The following GPD1 variants were observed in gnomAD, a reference collection of about 807,000 sequenced individuals.
GPD1 encodes the protein glycerol-3-phosphate dehydrogenase 1, also known as glycerol-3-phosphate dehydrogenase [NAD(+)], cytoplasmic.
In GPD1, 19 loss-of-function variants were observed where a neutral mutation model predicts 34.4. That is an observed-to-expected ratio of 0.55 (90% CI 0.39 to 0.81). GPD1 has a LOEUF of 0.81. Among genes scored for constraint, GPD1 ranks in the 30% least tolerant of loss-of-function variants. The pLI is 0.00. For missense variants in GPD1, 429 were observed against 447.0 expected (o/e 0.96, Z 0.36); for synonymous variants, 172 against 174.1 (o/e 0.99, Z 0.09).
At chr12:50,105,441 C>G in intron 2 of GPD1, 107 bp from the exon 3 acceptor site, 1 of 1,150,510 alleles carries the variant, frequency 8.7e-7, no homozygotes, top group Non-Finnish European at 1.2e-6. Flanking sequence ...ACAAGCCTTC[C>G]TGCTCCCCTA....
rs1226242415 is a variant in GPD1, at chr12:50,106,469, C to T, written c.499+43C>T. 3 of 1,573,688 alleles carry T rather than the reference C, an allele frequency of 1.9e-6. No individual in the cohort carries two copies. In the South Asian group the frequency reaches 3.4e-5, roughly 18 times the overall value. ...CCTGCATACACAGTGCATCTAGTTGCATCCCCTCCCCAAACTGCCCCAACC... is the reference window on the plus strand; with the variant it reads ...CCTGCATACACAGTGCATCTAGTTGTATCCCCTCCCCAAACTGCCCCAACC... On this transcript the variant is annotated intron_variant, in intron 4 of 7. Transcript: ENST00000301149.
chr12:50,105,224 T>A (rs1482585575), intron 2 of GPD1: 1 of 344,564 alleles, frequency 2.9e-6, no homozygotes, highest in Non-Finnish European at 5.3e-6. Context: ...GGTGATGAAA[T>A]CTTATTTGAG....
chr12:50,109,211 G>A (rs1325243007), intron 7 of GPD1, among the ~76,000 whole-genome samples: 2 of 151,350 alleles, frequency 1.3e-5, no homozygotes, highest in East Asian at 3.9e-4. Context: ...ATGCAGGCCA[G>A]TTCAACATGG....
chr12:50,104,123 G>A (rs1287075175), intron 1 of GPD1, 32 bp downstream of exon 1: 2 of 1,604,030 alleles, frequency 1.2e-6, no homozygotes, highest in Non-Finnish European at 8.5e-7. Context: ...TATGGGGGAA[G>A]GGTAGGCCCC....
chr12:50,106,459 C>A (rs1394117658), intron 4 of GPD1, 33 bp downstream of exon 4: 2 of 1,587,626 alleles, frequency 1.3e-6, no homozygotes, highest in African/African-American at 1.3e-5. Context: ...ATACACAGTG[C>A]ATCTAGTTGC....
intron 6 of GPD1, 32 bp downstream of exon 6, chr12:50,107,832 C>T (rs772662608): frequency 8.6e-6 from 13 of 1,506,684 alleles, no homozygotes; most frequent in Middle Eastern, 1.7e-4. Context: ...AACAGAGGGG[C>T]GGCTCTGTAG....
intron 6 of GPD1, 56 bp downstream of exon 6, chr12:50,107,856 G>C: frequency 7.8e-7 from 1 of 1,280,500 alleles, no homozygotes; most frequent in East Asian, 2.3e-5. Flanking sequence ...TCCAGGTAGA[G>C]GTGCTTGGCG....
chr12:50,106,000 G>A (rs1950975758), intron 3 of GPD1: 1 of 635,508 alleles, frequency 1.6e-6, no homozygotes, highest in Non-Finnish European at 2.9e-6. Flanking sequence ...GTTTGGAGCA[G>A]TGACTGGTCA....
intron 1 of GPD1, 33 bp downstream of exon 1, chr12:50,104,124 G>C: frequency 6.2e-7 from 1 of 1,602,834 alleles, no homozygotes; most frequent in Non-Finnish European, 8.5e-7. Flanking sequence ...ATGGGGGAAG[G>C]GTAGGCCCCC....
In GPD1 at chr12:50,109,820, G is replaced by C. The variant is rs1951009538; in HGVS notation, c.*301G>C. Reference sequence around the variant, plus strand: ...ATCAAGCCCCAGTGCTGCCTGCTTGGTGGCGGGGGTGATGTATGTGGAGAA... The same window carrying C: ...ATCAAGCCCCAGTGCTGCCTGCTTGCTGGCGGGGGTGATGTATGTGGAGAA... On this transcript the variant is annotated 3_prime_UTR_variant, in exon 8 of 8. Coordinates refer to ENST00000301149, the MANE Select transcript of GPD1 (RefSeq NM_005276.4). 8.4e-6 allele frequency: 3 copies of C among 359,014 alleles called. No homozygotes were observed. Among genetic ancestry groups the C allele is most frequent in the South Asian group, 6.4e-5 (2 of 31,320 alleles). The allele number at this position is 359,014 out of a possible 1,614,324, so 22.2% of individuals were successfully genotyped here. A position where few individuals can be genotyped will look rare whatever the true frequency, so the allele number is the denominator to read the frequency against.
At position 50,108,974 on chromosome 12, in the gene GPD1, A is replaced by C. The variant is rs556213094; in HGVS notation, c.954-449A>C. On this transcript the variant is annotated intron_variant, in intron 7 of 7. Coordinates refer to ENST00000301149, the MANE Select transcript of GPD1 (RefSeq NM_005276.4). ...ACATGGTGAAACCCCATCTCTACTA[A>C]AAATACAAAAATTAGTCAGGCATGG... is the stretch of plus-strand genomic sequence containing the variant. Among the ~76,000 whole-genome samples the C allele has an allele frequency of 5.6e-4, 85 of 152,078 alleles. 2 individuals carry two copies. Among genetic ancestry groups the C allele is most frequent in the South Asian group, 2.5e-3 (12 of 4,802 alleles).
chr12:50,105,774 A>C, intron 3 of GPD1, 86 bp downstream of exon 3: 1 of 1,368,384 alleles, frequency 7.3e-7, no homozygotes, highest in Non-Finnish European at 1.0e-6. Context: ...AGAACAGAAA[A>C]TGGCAGACGC....
chr12:50,109,476 G>A lies in GPD1; in HGVS notation c.1007G>A (p.Gly336Asp), dbSNP rs747181602. 1.9e-6 allele frequency: 3 copies of A among 1,589,380 alleles called. No individual in the cohort carries two copies. The highest frequency in any genetic ancestry group is 8.6e-7 in the Non-Finnish European group (1 of 1,157,280). The change falls in exon 8 of 8, where the codon GGT becomes GAT. Residue 336 changes from glycine to aspartate, a missense_variant. Physicochemically the swap from Gly to Asp is moderately conservative, Grantham distance 94. Coordinates refer to ENST00000301149, the MANE Select transcript of GPD1 (RefSeq NM_005276.4). The part of the protein sequence containing the change: ...YKVCYEGQPV[G>D]EFIHCLQNHP... The stretch of plus-strand genomic sequence containing the variant: ...GTGTGCTACGAGGGCCAGCCAGTGG[G>A]TGAATTCATCCACTGCCTGCAGAAT...
intron 5 of GPD1, 189 bp downstream of exon 5, chr12:50,107,106 C>T: frequency 1.4e-6 from 1 of 696,122 alleles, no homozygotes; most frequent in Admixed American, 2.0e-5. Flanking sequence ...GCTGATTATT[C>T]ATCATCAGAC....
Position 50,107,716 on chromosome 12 carries a change from G to A in GPD1, c.762G>A (p.Glu254=). 1 of 1,614,146 alleles carries A rather than the reference G, an allele frequency of 6.2e-7. No homozygotes were observed. The highest frequency in any genetic ancestry group is 1.1e-5 in the South Asian group (1 of 91,082). The change falls in exon 6 of 8, where the codon GAG becomes GAA. Residue 254 remains glutamate (E), a synonymous_variant. Transcript: ENST00000301149. Reference sequence around the variant, plus strand: ...CTGTGTCCTCTGCCACCTTCTTGGAGAGCTGTGGTGTTGCTGACCTGATCA... The same window carrying A: ...CTGTGTCCTCTGCCACCTTCTTGGAAAGCTGTGGTGTTGCTGACCTGATCA... ...SGPVSSATFL[E]SCGVADLITT...
At position 50,109,787 on chromosome 12, in the gene GPD1, G is replaced by A. The variant is rs560124794; in HGVS notation, c.*268G>A. 2.3e-6 allele frequency: 1 copy of A among 438,760 alleles called. No homozygotes were observed. The highest frequency in any genetic ancestry group is 2.6e-5 in the South Asian group (1 of 38,586). The allele number at this position is 438,760 out of a possible 1,614,324, so 27.2% of individuals were successfully genotyped here. A position where few individuals can be genotyped will look rare whatever the true frequency, so the allele number is the denominator to read the frequency against. ...GGGGCTTTCTCCATATCCTCTGGGAGGGGTGGAATCAAGCCCCAGTGCTGC... is the reference window on the plus strand; with the variant it reads ...GGGGCTTTCTCCATATCCTCTGGGAAGGGTGGAATCAAGCCCCAGTGCTGC... On this transcript the variant is annotated 3_prime_UTR_variant, in exon 8 of 8. Coordinates refer to ENST00000301149, the MANE Select transcript of GPD1 (RefSeq NM_005276.4).
Position 50,106,329 on chromosome 12 carries a change from A to G in GPD1, c.402A>G (p.Glu134=), listed in dbSNP as rs1950978099. 1 of 1,613,478 alleles carries G rather than the reference A, an allele frequency of 6.2e-7. No individual in the cohort carries two copies. Among genetic ancestry groups the G allele is most frequent in the South Asian group, 1.1e-5 (1 of 91,030 alleles). ...EGPNGLKLIS[E]VIGERLGIPM... ...CCAATGGGCTGAAGCTCATCTCGGAAGTGATTGGGGAGCGCCTCGGCATCC... is the reference window on the plus strand; with the variant it reads ...CCAATGGGCTGAAGCTCATCTCGGAGGTGATTGGGGAGCGCCTCGGCATCC... The change falls in exon 4 of 8, where the codon GAA becomes GAG. Residue 134 remains glutamate (E), a synonymous_variant. Transcript: ENST00000301149.
intron 5 of GPD1, 142 bp downstream of exon 5, chr12:50,107,059 A>G: frequency 1.4e-6 from 1 of 710,272 alleles, no homozygotes; most frequent in Non-Finnish European, 2.6e-6. Flanking sequence ...TGCATATAGG[A>G]GGAGCTGCAG....
Position 50,106,881 on chromosome 12 carries a change from A to G in GPD1, c.576A>G (p.Gln192=), listed in dbSNP as rs533354799. Residue 192 remains glutamine (Q), a synonymous_variant, in exon 5 of 8, where the codon CAA becomes CAG. Coordinates refer to ENST00000301149, the MANE Select transcript of GPD1 (RefSeq NM_005276.4). ...CAAACTTCCGTATCACAGTGGTGCA[A>G]GAGGTGGACACAGTAGAGATCTGTG... The part of the protein sequence containing the change: ...QTPNFRITVV[Q]EVDTVEICGA... 4 of 1,612,666 alleles carry G rather than the reference A, an allele frequency of 2.5e-6. No individual in the cohort carries two copies. In the East Asian group the frequency reaches 6.7e-5, roughly 27 times the overall value.
Sources: gnomAD v4.1 joint callset for allele counts (sites outside exome capture counted in the v4.1 genomes callset) on GRCh38, gnomAD v4.1.1 for gene constraint, MANE v1.5 for transcripts, NCBI Gene and HGNC (gene_info 2026-07-23, HGNC 2026-07-21) for gene names.